Variants in PLXDC2 observed in about 807,000 individuals in gnomAD.
PLXDC2 encodes the protein plexin domain-containing protein 2.
Under a neutral mutation model 68.9 loss-of-function variants are expected in PLXDC2, and 40 were observed. The ratio of observed to expected loss-of-function variants is 0.58; its 90% CI spans 0.45 to 0.76. The LOEUF is 0.76. PLXDC2 is among the 30% of genes least tolerant of loss of function. PLXDC2 has a pLI of 0.00. For missense variants in PLXDC2, 644 were observed against 661.9 expected (o/e 0.97, Z 0.30); for synonymous variants, 243 against 234.2 (o/e 1.04, Z -0.34).
At chr10:20,267,403 C>G (rs79035013) in intron 13 of PLXDC2, among the ~76,000 whole-genome samples, 8 of 152,092 alleles carry the variant, frequency 5.3e-5, no homozygotes, top group South Asian at 2.1e-4. Flanking sequence ...AATCAGGAAT[C>G]AGTAAAATGC....
chr10:19,906,629 G>A lies in PLXDC2; in HGVS notation c.112+89438G>A, dbSNP rs72785823. 6.1e-3 allele frequency among the ~76,000 whole-genome samples: 934 copies of A among 152,188 alleles called. 6 individuals are homozygous for A. The highest frequency in any genetic ancestry group is 0.01 in the South Asian group (50 of 4,818). On this transcript the variant is annotated intron_variant, in intron 1 of 13. Coordinates refer to ENST00000377252, the MANE Select transcript of PLXDC2 (RefSeq NM_032812.9). Reference sequence around the variant, plus strand: ...ATTGGTTGGTTTGCATATCACAGGTGTGCTCATAGGCCAGGGGTTTTTACT... The same window carrying A: ...ATTGGTTGGTTTGCATATCACAGGTATGCTCATAGGCCAGGGGTTTTTACT...
At chr10:20,087,619 T>G (rs1290360238) in intron 4 of PLXDC2, among the ~76,000 whole-genome samples, 1 of 152,204 alleles carries the variant, frequency 6.6e-6, no homozygotes, top group Non-Finnish European at 1.5e-5. Context: ...TTTAAATAGT[T>G]AAGCCTTGAC....
intron 1 of PLXDC2, among the ~76,000 whole-genome samples, chr10:19,866,112 C>G (rs1837410873): frequency 6.6e-6 from 1 of 152,062 alleles, no homozygotes; most frequent in South Asian, 2.1e-4. Flanking sequence ...TGATTGAAAA[C>G]AAAGGAAATT....
intron 1 of PLXDC2, among the ~76,000 whole-genome samples, chr10:19,909,246 C>T (rs943976962): frequency 5.3e-5 from 8 of 152,182 alleles, no homozygotes; most frequent in African/African-American, 1.9e-4. Context: ...GACAATTTTA[C>T]ACCACACACT....
intron 4 of PLXDC2, among the ~76,000 whole-genome samples, chr10:20,106,554 G>A (rs1833493212): frequency 6.6e-6 from 1 of 152,168 alleles, no homozygotes; most frequent in South Asian, 2.1e-4. Context: ...TTGGCAATGT[G>A]CATATGGGAT....
chr10:19,991,004 T>C (rs1260886059), intron 1 of PLXDC2, among the ~76,000 whole-genome samples: 3 of 152,188 alleles, frequency 2.0e-5, no homozygotes, highest in Non-Finnish European at 4.4e-5. Context: ...CCCAGCACTT[T>C]GGGAGGCCGA....
chr10:19,994,807 A>G (rs1834815086), intron 1 of PLXDC2, among the ~76,000 whole-genome samples: 1 of 151,606 alleles, frequency 6.6e-6, no homozygotes, highest in South Asian at 2.1e-4. Context: ...CAGTGGTGCA[A>G]TCTCGGCTCA....
chr10:20,244,557 T>A (rs532421851), intron 12 of PLXDC2, among the ~76,000 whole-genome samples: 1 of 152,156 alleles, frequency 6.6e-6, no homozygotes, highest in Non-Finnish European at 1.5e-5. Context: ...TAAAACAGAT[T>A]TTTCACAAAT....
chr10:20,176,911 G>A, intron 7 of PLXDC2, 88 bp from the exon 8 acceptor site: 2 of 916,880 alleles, frequency 2.2e-6, no homozygotes, highest in Non-Finnish European at 1.7e-6. Flanking sequence ...TGGGCTATAT[G>A]TATATAATTC....
At chr10:20,202,151 A>G (rs908975759) in intron 9 of PLXDC2, among the ~76,000 whole-genome samples, 5 of 152,178 alleles carry the variant, frequency 3.3e-5, no homozygotes, top group Admixed American at 2.0e-4. Flanking sequence ...GACATAGAAA[A>G]TATATCTGTG....
chr10:20,176,385 C>T (rs10740968), intron 7 of PLXDC2, among the ~76,000 whole-genome samples: 133,925 of 151,450 alleles, frequency 0.88, 59,261 homozygotes, highest in Non-Finnish European at 0.91. Flanking sequence ...TCATCTCGCA[C>T]AGTTATGTGT....
At chr10:20,249,658 A>G (rs929403150) in intron 13 of PLXDC2, among the ~76,000 whole-genome samples, 2 of 152,170 alleles carry the variant, frequency 1.3e-5, no homozygotes, top group Admixed American at 6.5e-5. Context: ...CTGCATCTCA[A>G]GGTCCTTAAC....
intron 1 of PLXDC2, among the ~76,000 whole-genome samples, chr10:19,929,018 G>A (rs965892151): frequency 6.6e-6 from 1 of 151,002 alleles, no homozygotes; most frequent in African/African-American, 2.4e-5. Flanking sequence ...GCCTCCCAAA[G>A]TGCTGAGATT....
At chr10:19,835,709 C>T (rs1358279401) in intron 1 of PLXDC2, among the ~76,000 whole-genome samples, 1 of 151,978 alleles carries the variant, frequency 6.6e-6, no homozygotes, top group Admixed American at 6.6e-5. Context: ...GGAGGAGCCA[C>T]CTAGAGTGAG....
At chr10:19,844,955 G>A (rs1254110767) in intron 1 of PLXDC2, among the ~76,000 whole-genome samples, 1 of 152,124 alleles carries the variant, frequency 6.6e-6, no homozygotes, top group Non-Finnish European at 1.5e-5. Context: ...CAGGAATATA[G>A]CCCCAGTTTT....
chr10:19,959,298 A>T (rs1834119493), intron 1 of PLXDC2, among the ~76,000 whole-genome samples: 1 of 152,204 alleles, frequency 6.6e-6, no homozygotes, highest in African/African-American at 2.4e-5. Flanking sequence ...TGTTTCTGAG[A>T]AACACATTTC....
At chr10:19,842,349 G>C (rs1836925226) in intron 1 of PLXDC2, among the ~76,000 whole-genome samples, 1 of 152,108 alleles carries the variant, frequency 6.6e-6, no homozygotes, top group Non-Finnish European at 1.5e-5. Context: ...GGACCTCTTA[G>C]CATGCGTTGA....
chr10:19,974,109 T>G (rs1311359350), intron 1 of PLXDC2, among the ~76,000 whole-genome samples: 2 of 152,226 alleles, frequency 1.3e-5, no homozygotes, highest in African/African-American at 4.8e-5. Context: ...GAAAGCAACT[T>G]TGATAGAGAT....
chr10:20,175,045 T>G (rs1271322724), intron 7 of PLXDC2, among the ~76,000 whole-genome samples: 1 of 152,154 alleles, frequency 6.6e-6, no homozygotes, highest in Non-Finnish European at 1.5e-5. Flanking sequence ...TACTAGAAGT[T>G]TGATTCCAGG....
Sources: allele counts gnomAD v4.1 joint callset (sites outside exome capture counted in the v4.1 genomes callset), GRCh38; gene constraint gnomAD v4.1.1; transcripts MANE v1.5; gene names NCBI Gene and HGNC (gene_info 2026-07-23, HGNC 2026-07-21).